Variants in PDGFC observed in about 807,000 individuals in gnomAD.
The protein encoded by PDGFC is platelet derived growth factor C.
PDGFC carries 12 observed loss-of-function variants against 35.5 expected under a neutral mutation model. The observed-to-expected ratio is 0.34, with a 90% CI of 0.22 to 0.55. The LOEUF is 0.55. Ranked by LOEUF, PDGFC falls within the 20% of genes least tolerant of loss-of-function variation. The pLI is 0.91. For missense variants in PDGFC, 322 were observed against 412.4 expected, an observed-to-expected ratio of 0.78 and a Z score of 1.90; for synonymous variants, 159 against 148.8, an observed-to-expected ratio of 1.07 and a Z score of -0.50.
At chr4:156,895,566 A>T (rs191733246) in intron 1 of PDGFC, among the ~76,000 whole-genome samples, 2 of 151,468 alleles carry the variant, frequency 1.3e-5, no homozygotes, top group East Asian at 3.9e-4. Flanking sequence ...CGGGAGGCAG[A>T]GGTTGCAGTA....
At position 156,805,220 on chromosome 4, in the gene PDGFC, C is replaced by A. The variant is rs12645749; in HGVS notation, c.495+5617G>T. On this transcript the variant is annotated intron_variant, in intron 3 of 5. Transcript: ENST00000502773. The stretch of plus-strand genomic sequence containing the variant: ...TTTCCTAGCTGCAATAAAATACTGT[C>A]ATCTCAAGACTCCTTGCATAAATAT... Among the ~76,000 whole-genome samples, 108 of 152,084 alleles carry A rather than the reference C, an allele frequency of 7.1e-4. 2 individuals are homozygous for A. In the East Asian group the frequency reaches 0.019, roughly 27 times the overall value.
chr4:156,966,751 C>A (rs1192799237), intron 1 of PDGFC, among the ~76,000 whole-genome samples: 1 of 152,188 alleles, frequency 6.6e-6, no homozygotes, highest in African/African-American at 2.4e-5. Flanking sequence ...TGTCCAATCC[C>A]ATCCTCTATT....
Position 156,761,661 on chromosome 4 carries a change from T to A in PDGFC, c.*1429A>T, listed in dbSNP as rs1234689793. ...TTCTTTTATTTGATGATTCAATACA[T>A]TTTTGATTCAAATAGTCACCACATA... On this transcript the variant is annotated 3_prime_UTR_variant, in exon 6 of 6. Coordinates refer to ENST00000502773, the MANE Select transcript of PDGFC (RefSeq NM_016205.3). 1 of 152,662 alleles carries A rather than the reference T, an allele frequency of 6.6e-6. No individual in the cohort carries two copies. Among genetic ancestry groups the A allele is most frequent in the Non-Finnish European group, 1.5e-5 (1 of 68,034 alleles). The allele number at this position is 152,662 out of a possible 1,614,324, so 9.5% of individuals were successfully genotyped here.
chr4:156,861,667 A>T (rs1478445223), intron 1 of PDGFC, among the ~76,000 whole-genome samples: 2 of 152,102 alleles, frequency 1.3e-5, no homozygotes, highest in African/African-American at 4.8e-5. Context: ...ATTCATGGAC[A>T]TTTGTACTAA....
intron 1 of PDGFC, among the ~76,000 whole-genome samples, chr4:156,909,869 G>A (rs570955539): frequency 6.6e-6 from 1 of 152,224 alleles, no homozygotes; most frequent in Admixed American, 6.5e-5. Flanking sequence ...GATTTACATT[G>A]TACCCTAAAT....
chr4:156,818,175 C>T (rs925295925), intron 2 of PDGFC, among the ~76,000 whole-genome samples: 1 of 148,820 alleles, frequency 6.7e-6, no homozygotes, highest in Admixed American at 6.8e-5. Flanking sequence ...GCAAAAATTC[C>T]CAAGTAAATT....
intron 1 of PDGFC, among the ~76,000 whole-genome samples, chr4:156,850,854 A>G (rs1022680170): frequency 6.6e-6 from 1 of 152,156 alleles, no homozygotes; most frequent in Non-Finnish European, 1.5e-5. Flanking sequence ...ACAGTCAACT[A>G]ATTATTCAAA....
chr4:156,829,209 A>G (rs1299933931), intron 2 of PDGFC, among the ~76,000 whole-genome samples: 1 of 152,202 alleles, frequency 6.6e-6, no homozygotes, highest in Non-Finnish European at 1.5e-5. Flanking sequence ...GGTTTATGGA[A>G]TATACAGGAT....
intron 2 of PDGFC, among the ~76,000 whole-genome samples, chr4:156,814,521 T>A (rs2110956325): frequency 6.6e-6 from 1 of 152,248 alleles, no homozygotes; most frequent in South Asian, 2.1e-4. Flanking sequence ...GTCATTTCAA[T>A]ACACTGCTTC....
At chr4:156,801,114 G>A (rs1478744454) in intron 3 of PDGFC, among the ~76,000 whole-genome samples, 6 of 152,046 alleles carry the variant, frequency 3.9e-5, no homozygotes, top group Admixed American at 6.6e-5. Context: ...CCTTCCAGAC[G>A]TTTGCATTTC....
intron 1 of PDGFC, among the ~76,000 whole-genome samples, chr4:156,928,248 T>A (rs1237033063): frequency 2.6e-5 from 4 of 152,134 alleles, no homozygotes; most frequent in African/African-American, 9.7e-5. Flanking sequence ...AGCACCCATT[T>A]ATCTATCCGT....
intron 2 of PDGFC, among the ~76,000 whole-genome samples, chr4:156,833,862 T>A (rs915086667): frequency 6.6e-6 from 1 of 152,214 alleles, no homozygotes; most frequent in Non-Finnish European, 1.5e-5. Flanking sequence ...AGATTAGAGT[T>A]GTGGATAACC....
intron 1 of PDGFC, among the ~76,000 whole-genome samples, chr4:156,934,840 T>C (rs1164494166): frequency 6.6e-6 from 1 of 152,180 alleles, no homozygotes; most frequent in Non-Finnish European, 1.5e-5. Flanking sequence ...ACCATCAATA[T>C]CACTGTCTTC....
chr4:156,931,933 A>C (rs1731558590), intron 1 of PDGFC, among the ~76,000 whole-genome samples: 1 of 152,190 alleles, frequency 6.6e-6, no homozygotes, highest in African/African-American at 2.4e-5. Context: ...ACTCATAAGA[A>C]ATATATTACA....
intron 1 of PDGFC, among the ~76,000 whole-genome samples, chr4:156,865,212 A>ACG (rs927178131): frequency 6.6e-6 from 1 of 151,714 alleles, no homozygotes; most frequent in Non-Finnish European, 1.5e-5. Flanking sequence ...ACACACACAC[A>ACG]CGCAGATACA....
chr4:156,934,430 G>A lies in PDGFC; in HGVS notation c.118+36356C>T, dbSNP rs116165688. ...TACCATGAACAGAGTTTACAGGACC[G>A]GTAGTTGCTCTCAGTGAGTCAGTGA... is the stretch of plus-strand genomic sequence containing the variant. On this transcript the variant is annotated intron_variant, in intron 1 of 5. Coordinates refer to ENST00000502773, the MANE Select transcript of PDGFC (RefSeq NM_016205.3). Among the ~76,000 whole-genome samples the A allele has an allele frequency of 5.4e-3, 820 of 152,278 alleles. 8 individuals are homozygous for A. Among genetic ancestry groups the A allele is most frequent in the African/African-American group, 0.019 (774 of 41,558 alleles).
intron 3 of PDGFC, among the ~76,000 whole-genome samples, chr4:156,784,489 T>C (rs1271278584): frequency 6.6e-6 from 1 of 152,144 alleles, no homozygotes; most frequent in Non-Finnish European, 1.5e-5. Context: ...TAGAGAAGTT[T>C]CATCGAAGTA....
intron 3 of PDGFC, among the ~76,000 whole-genome samples, chr4:156,798,421 G>T (rs1487784801): frequency 1.3e-5 from 2 of 152,272 alleles, no homozygotes; most frequent in East Asian, 3.9e-4. Flanking sequence ...AATAAAGACT[G>T]TAGCAAGGTA....
intron 3 of PDGFC, among the ~76,000 whole-genome samples, chr4:156,783,430 T>C (rs1731034748): frequency 1.3e-5 from 2 of 152,078 alleles, no homozygotes; most frequent in Admixed American, 1.3e-4. Flanking sequence ...CAGACTCTGG[T>C]GGGAGCCATG....
Sources: gnomAD v4.1 joint callset for allele counts (sites outside exome capture counted in the v4.1 genomes callset) on GRCh38, gnomAD v4.1.1 for gene constraint, MANE v1.5 for transcripts, NCBI Gene and HGNC (gene_info 2026-07-23, HGNC 2026-07-21) for gene names.